Variants in CLN6 observed in about 807,000 individuals in gnomAD.
CLN6 encodes the protein CLN6 transmembrane ER protein.
In CLN6, 22 loss-of-function variants were observed where a neutral mutation model predicts 33.3. The observed-to-expected ratio is 0.66, with a 90% CI of 0.47 to 0.94. CLN6 has a LOEUF of 0.94. Among genes scored for constraint, CLN6 ranks in the 40% least tolerant of loss-of-function variants. The probability of loss-of-function intolerance (pLI) is 0.00; values close to 1 mark genes in which losing one functional copy is unlikely to be tolerated. For synonymous variants in CLN6, 201 were observed against 174.6 expected (o/e 1.15, Z -1.19); for missense variants, 387 against 417.1 (o/e 0.93, Z 0.63).
chr15:68,224,759 C>A (rs79336762), intron 1 of CLN6, among the ~76,000 whole-genome samples: 1 of 152,318 alleles, frequency 6.6e-6, no homozygotes, highest in East Asian at 1.9e-4. Flanking sequence ...AACCTCAACC[C>A]TGTCCCAAGT....
chr15:68,249,801 CCTCA>C (rs1567106292), intron 1 of CLN6, among the ~76,000 whole-genome samples: 2 of 152,088 alleles, frequency 1.3e-5, no homozygotes, highest in Non-Finnish European at 2.9e-5. Flanking sequence ...TGTGACGGAG[CCTCA>C]CTCTGTTGCC....
In CLN6 at chr15:68,210,987, G is replaced by C. The variant is rs964644433; in HGVS notation, c.542+276C>G. ...CCAAAGCCACTCGCTGCCCTCTGCTGGCCACAGCGGGCACTGAGGGCTGGG... is the reference window on the plus strand; with the variant it reads ...CCAAAGCCACTCGCTGCCCTCTGCTCGCCACAGCGGGCACTGAGGGCTGGG... On this transcript the variant is annotated intron_variant, in intron 5 of 6. Coordinates refer to ENST00000249806, the MANE Select transcript of CLN6 (RefSeq NM_017882.3). The surrounding 1 kb of genome is among the most constrained non-coding windows in gnomAD (Gnocchi z 5.6). Among the ~76,000 whole-genome samples the C allele has an allele frequency of 6.6e-6, 1 of 152,196 alleles. No homozygotes were observed. Among genetic ancestry groups the C allele is most frequent in the African/African-American group, 2.4e-5 (1 of 41,456 alleles).
In CLN6 at chr15:68,242,405, G is replaced by C. The variant is rs1892287414; in HGVS notation, c.179+14285C>G. Among the ~76,000 whole-genome samples the C allele has an allele frequency of 6.6e-6, 1 of 152,014 alleles. No individual in the cohort carries two copies. Among genetic ancestry groups the C allele is most frequent in the African/African-American group, 2.4e-5 (1 of 41,404 alleles). The stretch of plus-strand genomic sequence containing the variant: ...GAAAAAAGAAAAAAAGAATACAAAG[G>C]AATGAAGATTGCCGACAAGATATGG... On this transcript the variant is annotated intron_variant, in intron 1 of 6. Transcript: ENST00000538696. The surrounding 1 kb of genome is among the most constrained non-coding windows in gnomAD (Gnocchi z 5.0).
In CLN6 at chr15:68,227,123, C is replaced by T. The variant is rs1465484654; in HGVS notation, c.83+2379G>A. 6.6e-6 allele frequency among the ~76,000 whole-genome samples: 1 copy of T among 151,964 alleles called. No individual in the cohort carries two copies. The highest frequency in any genetic ancestry group is 1.5e-5 in the Non-Finnish European group (1 of 67,978). On this transcript the variant is annotated intron_variant, in intron 1 of 6. Transcript: ENST00000249806. The surrounding 1 kb of genome is among the most constrained non-coding windows in gnomAD (Gnocchi z 4.1). ...CGCCATCTCGGCTCACTACAACCTC[C>T]GCCTCCCAGGCTCAAGGGATCCTGG...
intron 1 of CLN6, among the ~76,000 whole-genome samples, chr15:68,225,309 C>T (rs1364973111): frequency 2.0e-5 from 3 of 152,166 alleles, no homozygotes; most frequent in African/African-American, 7.2e-5. Context: ...ATAACATACA[C>T]ATTTTATATT....
chr15:68,211,723 C>T lies in CLN6; in HGVS notation c.438G>A (p.Leu146=). ...RLLFSGYQHH[L]SVRENPIIKN... is the part of the protein sequence containing the mutation. ...TGATGATGGGGTTCTCACGGACAGA[C>T]AGGTGGTGCTGGTAGCCACTGAAGA... Residue 146 remains leucine (L), a synonymous_variant, in exon 4 of 7, where the codon CTG becomes CTA. Coordinates refer to ENST00000249806, the MANE Select transcript of CLN6 (RefSeq NM_017882.3). The surrounding 1 kb of genome is among the most constrained non-coding windows in gnomAD (Gnocchi z 5.9). 1 of 1,613,960 alleles carries T rather than the reference C, an allele frequency of 6.2e-7. No individual in the cohort carries two copies. The highest frequency in any genetic ancestry group is 1.1e-5 in the South Asian group (1 of 91,082).
chr15:68,221,316 C>CCCTGCCTCGGGCTCCCGTGATTCT (rs903185792), intron 1 of CLN6, among the ~76,000 whole-genome samples: 4 of 151,028 alleles, frequency 2.6e-5, no homozygotes, highest in Admixed American at 2.0e-4. Context: ...CCTGCAACCT[C>CCCTGCCTCGGGCTCCCGTGATTCT]CCTGCCTCGG....
At chr15:68,212,023 A>C (rs2093207325) in intron 3 of CLN6, 160 bp from the exon 4 acceptor site, 2 of 696,330 alleles carry the variant, frequency 2.9e-6, no homozygotes, top group Admixed American at 2.4e-5. Context: ...CAGCCTCCAG[A>C]TCCTCCCGTG....
At chr15:68,254,300 A>G (rs1232017760) in intron 1 of CLN6, among the ~76,000 whole-genome samples, 3 of 152,204 alleles carry the variant, frequency 2.0e-5, no homozygotes, top group Non-Finnish European at 4.4e-5. Flanking sequence ...AGGTGGATGC[A>G]TGAGCAGGTA....
rs971462360 is a variant in CLN6 at position 68,234,871 on chromosome 15, G to C, written c.180-16221C>G. Reference sequence around the variant, plus strand: ...GTCTCTACTAAAAATACAACAATTAGCTGGGCATGGTGGCAGGTGCCTGTA... The same window carrying C: ...GTCTCTACTAAAAATACAACAATTACCTGGGCATGGTGGCAGGTGCCTGTA... On this transcript the variant is annotated intron_variant, in intron 1 of 6. Transcript: ENST00000538696. This position sits in a 1 kb window ranked among gnomAD's most constrained non-coding sequence, Gnocchi z 4.1. Among the ~76,000 whole-genome samples, 2 of 152,116 alleles carry C rather than the reference G, an allele frequency of 1.3e-5. No homozygotes were observed. The highest frequency in any genetic ancestry group is 4.8e-5 in the African/African-American group (2 of 41,420).
At chr15:68,229,817 G>C (rs2093265040), upstream of CLN6, 1 of 307,010 alleles carries the variant, frequency 3.3e-6, no homozygotes, top group East Asian at 6.4e-5. Flanking sequence ...GCTCCGCTAG[G>C]GGAGGGCCGG....
At chr15:68,249,063 A>AT (rs1892353306) in intron 1 of CLN6, among the ~76,000 whole-genome samples, 2 of 152,228 alleles carry the variant, frequency 1.3e-5, no homozygotes, top group African/African-American at 2.4e-5. Flanking sequence ...GCTGACAGGT[A>AT]TTTTTTAAAA....
At chr15:68,214,450 A>C in intron 2 of CLN6, 62 bp from the exon 3 acceptor site, 1 of 1,254,516 alleles carries the variant, frequency 8.0e-7, no homozygotes, top group Non-Finnish European at 1.2e-6. Flanking sequence ...CTCGGGCCTC[A>C]AGGGAGTCTG....
At chr15:68,217,650 T>G (rs2093224088) in intron 2 of CLN6, among the ~76,000 whole-genome samples, 1 of 152,168 alleles carries the variant, frequency 6.6e-6, no homozygotes. Flanking sequence ...CACTTCCCGT[T>G]TATCTTCCAG....
rs2093191601 is a variant in CLN6, at chr15:68,207,829, T to C, written c.*311A>G. On this transcript the variant is annotated 3_prime_UTR_variant, in exon 7 of 7. Transcript: ENST00000249806. ...GAACAGACTAGCCCTGAGTAGGGAG[T>C]GTGGTCAGGTGCAGAGGAGGGCAGG... The C allele has an allele frequency of 4.0e-5, 17 of 425,340 alleles. No individual in the cohort carries two copies. Among genetic ancestry groups the C allele is most frequent in the South Asian group, 3.7e-4 (17 of 45,834 alleles). The allele number at this position is 425,340 out of a possible 1,614,324, so 26.3% of individuals were successfully genotyped here.
In CLN6 at chr15:68,234,850, C is replaced by T. The variant is rs180799474; in HGVS notation, c.180-16200G>A. On this transcript the variant is annotated intron_variant, in intron 1 of 6. Transcript: ENST00000538696. The surrounding 1 kb of genome is among the most constrained non-coding windows in gnomAD (Gnocchi z 4.1). ...TGGCCAACATAGTGAAACTCCGTCTCTACTAAAAATACAACAATTAGCTGG... is the reference window on the plus strand; with the variant it reads ...TGGCCAACATAGTGAAACTCCGTCTTTACTAAAAATACAACAATTAGCTGG... 4.6e-5 allele frequency among the ~76,000 whole-genome samples: 7 copies of T among 152,254 alleles called. No homozygotes were observed. The highest frequency in any genetic ancestry group is 3.4e-3 in the Middle Eastern group (1 of 294).
Position 68,211,648 on chromosome 15 carries a change from C to T in CLN6, c.486+27G>A. 1 of 1,612,386 alleles carries T rather than the reference C, an allele frequency of 6.2e-7. No homozygotes were observed. Among genetic ancestry groups the T allele is most frequent in the East Asian group, 2.2e-5 (1 of 44,874 alleles). ...GGACAGACTGTGCTCCTAGGGCTTACAGGCAGGGAGCAGGAGGTGGCCTCA... is the reference window on the plus strand; with the variant it reads ...GGACAGACTGTGCTCCTAGGGCTTATAGGCAGGGAGCAGGAGGTGGCCTCA... On this transcript the variant is annotated intron_variant, in intron 4 of 6. Transcript: ENST00000249806. This position sits in a 1 kb window ranked among gnomAD's most constrained non-coding sequence, Gnocchi z 5.9.
intron 1 of CLN6, among the ~76,000 whole-genome samples, chr15:68,237,422 G>C (rs7162452): frequency 0.47 from 72,088 of 151,920 alleles, 17,963 homozygotes; most frequent in Non-Finnish European, 0.56. Flanking sequence ...CAAAAGGTCG[G>C]GGCTGCAGTG....
Position 68,229,607 on chromosome 15 carries a change from C to T in CLN6, c.-23G>A, listed in dbSNP as rs536088577. 121 of 1,448,078 alleles carry T rather than the reference C, an allele frequency of 8.4e-5. 2 individuals carry two copies. In the South Asian group the frequency reaches 1.4e-3, roughly 17 times the overall value. The allele number at this position is 1,448,078 out of a possible 1,614,324, so 89.7% of individuals were successfully genotyped here. A position where few individuals can be genotyped will look rare whatever the true frequency, so the allele number is the denominator to read the frequency against. Reference sequence around the variant, plus strand: ...CATGGCTGCCCCGCAGGCCCCTCGGCCCTGCCTTTCCGAGGAAGAGACCGG... The same window carrying T: ...CATGGCTGCCCCGCAGGCCCCTCGGTCCTGCCTTTCCGAGGAAGAGACCGG... On this transcript the variant is annotated 5_prime_UTR_variant, in exon 1 of 7. Coordinates refer to ENST00000249806, the MANE Select transcript of CLN6 (RefSeq NM_017882.3).
Sources: gnomAD v4.1 joint callset for allele counts (sites outside exome capture counted in the v4.1 genomes callset) on GRCh38, gnomAD v4.1.1 for gene constraint, Gnocchi (gnomAD v3.1) non-coding constraint, MANE v1.5 for transcripts, NCBI Gene and HGNC (gene_info 2026-07-23, HGNC 2026-07-21) for gene names.